The following CCDC144A variants were observed in gnomAD, a reference collection of about 807,000 sequenced individuals.
CCDC144A encodes coiled-coil domain containing 144A.
CCDC144A carries 41 observed loss-of-function variants against 143.8 expected under a neutral mutation model. The ratio of observed to expected loss-of-function variants is 0.29; its 90% CI spans 0.22 to 0.37. The LOEUF (loss-of-function observed/expected upper bound fraction) is 0.37, where lower values mean the gene tolerates loss of function less well. CCDC144A is among the 10% of genes least tolerant of loss of function. The probability of loss-of-function intolerance (pLI) is 1.00; values close to 1 mark genes in which losing one functional copy is unlikely to be tolerated. For missense variants in CCDC144A, 637 were observed against 1,488.8 expected (o/e 0.43, Z 9.41); for synonymous variants, 242 against 517.9 (o/e 0.47, Z 7.23).
intron 12 of CCDC144A, among the ~76,000 whole-genome samples, chr17:16,747,827 AC>A (rs1366555388): frequency 1.3e-5 from 2 of 151,920 alleles, no homozygotes; most frequent in African/African-American, 2.4e-5. Context: ...AAATTGGCAA[AC>A]TCTAGAGTTT....
chr17:16,736,300 C>T (rs1317961465), intron 12 of CCDC144A, among the ~76,000 whole-genome samples: 16 of 138,960 alleles, frequency 1.2e-4, no homozygotes, highest in East Asian at 2.1e-4. Context: ...TTAGTAGAGA[C>T]GGAGTTTTGC....
At chr17:16,751,257 T>C (rs1304218597) in intron 12 of CCDC144A, among the ~76,000 whole-genome samples, 1 of 152,198 alleles carries the variant, frequency 6.6e-6, no homozygotes, top group Non-Finnish European at 1.5e-5. Context: ...TTGTGTATAG[T>C]TGATTGGCCT....
the CCDC144A span, among the ~76,000 whole-genome samples, chr17:16,672,594 CA>C: frequency 6.6e-6 from 1 of 152,030 alleles, no homozygotes; most frequent in Non-Finnish European, 1.5e-5. Flanking sequence ...TATAACCTGG[CA>C]AAACACAGTA....
intron 6 of CCDC144A, among the ~76,000 whole-genome samples, chr17:16,717,563 T>A (rs1482497629): frequency 6.6e-6 from 1 of 152,242 alleles, no homozygotes; most frequent in Non-Finnish European, 1.5e-5. Flanking sequence ...TTCTCTATTT[T>A]TTCCCTGGTG....
chr17:16,767,675 T>C (rs1406500293), intron 15 of CCDC144A, among the ~76,000 whole-genome samples: 3 of 152,262 alleles, frequency 2.0e-5, no homozygotes, highest in Admixed American at 6.5e-5. Context: ...TTTAACACTT[T>C]GGACTATTCC....
intron 5 of CCDC144A, among the ~76,000 whole-genome samples, chr17:16,711,142 A>AAAAAAAAAAAAAAC (rs1567589680): frequency 7.4e-6 from 1 of 134,894 alleles, no homozygotes; most frequent in African/African-American, 2.8e-5. Flanking sequence ...AAATGAAAAA[A>AAAAAAAAAAAAAAC]AAAAAAAAAA....
chr17:16,746,117 A>G, intron 12 of CCDC144A: 1 of 1,593,492 alleles, frequency 6.3e-7, no homozygotes, highest in Non-Finnish European at 8.6e-7. Context: ...CACCGGGAGC[A>G]CAGGATTCCT....
At chr17:16,675,257 A>G in the CCDC144A span, among the ~76,000 whole-genome samples, 1 of 151,104 alleles carries the variant, frequency 6.6e-6, no homozygotes, top group Non-Finnish European at 1.5e-5. Context: ...CGACAGAGCA[A>G]GACTCCATCT....
In CCDC144A at chr17:16,733,999, C is replaced by A. The variant is rs866696422; in HGVS notation, c.2419-691C>A. On this transcript the variant is annotated intron_variant, in intron 11 of 16. Transcript: ENST00000399273. Reference sequence around the variant, plus strand: ...CAAAAAGTACAAATACATTTAGCTGCGTGTGGGGGTGTGTGCCTCTAGTTC... The same window carrying A: ...CAAAAAGTACAAATACATTTAGCTGAGTGTGGGGGTGTGTGCCTCTAGTTC... Among the ~76,000 whole-genome samples the A allele has an allele frequency of 7.8e-4, 119 of 152,078 alleles. No individual in the cohort carries two copies. In the Middle Eastern group the frequency reaches 0.021, roughly 26 times the overall value.
At chr17:16,720,123 A>G in intron 6 of CCDC144A, 75 bp from the exon 7 acceptor site, 1 of 1,460,696 alleles carries the variant, frequency 6.8e-7, no homozygotes, top group South Asian at 1.3e-5. Flanking sequence ...TTATATGATA[A>G]AACAGTAGTG....
intron 5 of CCDC144A, among the ~76,000 whole-genome samples, chr17:16,711,196 A>G (rs1241984114): frequency 2.0e-5 from 3 of 148,628 alleles, no homozygotes; most frequent in Admixed American, 1.4e-4. Flanking sequence ...TTAGTGCAGA[A>G]AAGGGAAAGC....
chr17:16,757,022 G>A (rs1457794032), intron 12 of CCDC144A, among the ~76,000 whole-genome samples: 2 of 152,270 alleles, frequency 1.3e-5, no homozygotes, highest in Non-Finnish European at 2.9e-5. Flanking sequence ...CATACACAAG[G>A]ATGTATGTGT....
intron 12 of CCDC144A, among the ~76,000 whole-genome samples, chr17:16,745,212 GCCA>G (rs1223934676): frequency 2.0e-5 from 3 of 147,778 alleles, no homozygotes; most frequent in Non-Finnish European, 4.5e-5. Flanking sequence ...TGGCTCAGAG[GCCA>G]CCGAGAAGCA....
chr17:16,739,710 G>T (rs1218291158), intron 12 of CCDC144A, among the ~76,000 whole-genome samples: 1 of 151,928 alleles, frequency 6.6e-6, no homozygotes, highest in Non-Finnish European at 1.5e-5. Context: ...AAAATCAGTT[G>T]ACCATAAAAA....
chr17:16,704,900 C>G (rs3114297), intron 2 of CCDC144A, among the ~76,000 whole-genome samples: 42,779 of 151,062 alleles, frequency 0.28, 6,960 homozygotes, highest in African/African-American at 0.46. Flanking sequence ...ATTAGAGACT[C>G]CTGAGTGAAT....
intron 15 of CCDC144A, among the ~76,000 whole-genome samples, chr17:16,771,060 A>G (rs1340669401): frequency 6.6e-5 from 10 of 152,200 alleles, no homozygotes; most frequent in Non-Finnish European, 1.0e-4. Flanking sequence ...ATCACCACAA[A>G]CTATCTCAGA....
At chr17:16,769,016 T>A (rs1915720471) in intron 15 of CCDC144A, among the ~76,000 whole-genome samples, 1 of 152,200 alleles carries the variant, frequency 6.6e-6, no homozygotes, top group Non-Finnish European at 1.5e-5. Flanking sequence ...CTAGCTCTAT[T>A]GCAGACTCAT....
At chr17:16,695,593 C>G (rs1243500695) in intron 2 of CCDC144A, 1 of 151,836 alleles carries the variant, frequency 6.6e-6, no homozygotes, top group Non-Finnish European at 1.5e-5. Context: ...GAGTGAGACC[C>G]TGTCTCAAAA....
At chr17:16,722,911 G>C (rs1048023174) in intron 8 of CCDC144A, among the ~76,000 whole-genome samples, 11 of 152,014 alleles carry the variant, frequency 7.2e-5, no homozygotes, top group Non-Finnish European at 1.0e-4. Flanking sequence ...AGGATATCTT[G>C]GTTTCTTGAG....
Sources: allele counts gnomAD v4.1 joint callset (sites outside exome capture counted in the v4.1 genomes callset), GRCh38; gene constraint gnomAD v4.1.1; transcripts MANE v1.5; gene names NCBI Gene and HGNC (gene_info 2026-07-23, HGNC 2026-07-21).